Variants in ANKRD36B observed in about 807,000 individuals in gnomAD.
ANKRD36B encodes ankyrin repeat domain 36B.
ANKRD36B carries 37 observed loss-of-function variants against 135.7 expected under a neutral mutation model. The ratio of observed to expected loss-of-function variants is 0.27; its 90% CI spans 0.21 to 0.36. The LOEUF is 0.36. Ranked by LOEUF, ANKRD36B falls within the 10% of genes least tolerant of loss-of-function variation. The probability of loss-of-function intolerance (pLI) is 1.00; values close to 1 mark genes in which losing one functional copy is unlikely to be tolerated. For synonymous variants in ANKRD36B, 179 were observed against 348.1 expected, an observed-to-expected ratio of 0.51 and a Z score of 5.41; for missense variants, 549 against 1,037.1, an observed-to-expected ratio of 0.53 and a Z score of 6.46.
chr2:97,529,852 G>A lies in ANKRD36B; in HGVS notation c.2265+2459C>T, dbSNP rs1236788793. 6.3e-5 allele frequency among the ~76,000 whole-genome samples: 6 copies of A among 95,640 alleles called. 3 individuals carry two copies. The highest frequency in any genetic ancestry group is 1.7e-4 in the Non-Finnish European group (6 of 36,016). The allele number at this position is 95,640 out of a possible 152,430, so 62.7% of individuals were successfully genotyped here. ...CCTAGGAATCCAACTTACAAGGGACGTGAAGGACCTCTTCAAGGAGAACTA... is the reference window on the plus strand; with the variant it reads ...CCTAGGAATCCAACTTACAAGGGACATGAAGGACCTCTTCAAGGAGAACTA... On this transcript the variant is annotated intron_variant, in intron 35 of 43. Coordinates refer to ENST00000359901, the MANE Select transcript of ANKRD36B (RefSeq NM_001393939.1).
intron 10 of ANKRD36B, among the ~76,000 whole-genome samples, chr2:97,557,678 G>A (rs1377412135): frequency 6.6e-6 from 1 of 151,748 alleles, no homozygotes; most frequent in African/African-American, 2.4e-5. Flanking sequence ...GATATAGGTT[G>A]GGATAATCCT....
chr2:97,588,583 A>C, intron 1 of ANKRD36B, among the ~76,000 whole-genome samples: 1 of 151,928 alleles, frequency 6.6e-6, no homozygotes, highest in Non-Finnish European at 1.5e-5. Context: ...AGACAGCATG[A>C]GTAATTCAAA....
rs182198327 is a variant in ANKRD36B at position 97,547,344 on chromosome 2, T to C, written c.1579+192A>G. The C allele has an allele frequency of 6.6e-5, 44 of 671,252 alleles. No homozygotes were observed. In the East Asian group the frequency reaches 1.3e-3, roughly 20 times the overall value. 41.6% of individuals were successfully genotyped at this position (671,252 alleles called of 1,614,324 possible). On this transcript the variant is annotated intron_variant, in intron 22 of 43. Coordinates refer to ENST00000359901, the MANE Select transcript of ANKRD36B (RefSeq NM_001393939.1). The stretch of plus-strand genomic sequence containing the variant: ...CCCAATTTCAATGTGGGGAAGTGTA[T>C]AACCTTACTGCGAAGATCATGTTCC...
In ANKRD36B at chr2:97,532,836, C is replaced by T. The variant is rs2078675655; in HGVS notation, c.2192-452G>A. Among the ~76,000 whole-genome samples, 3 of 96,070 alleles carry T rather than the reference C, an allele frequency of 3.1e-5. 1 individual carries two copies. The highest frequency in any genetic ancestry group is 8.3e-5 in the Non-Finnish European group (3 of 36,230). The allele number at this position is 96,070 out of a possible 152,430, so 63.0% of individuals were successfully genotyped here. On this transcript the variant is annotated intron_variant, in intron 34 of 43. Transcript: ENST00000359901. ...TTCTTTAAGAAAGGCTTTTAATCCT[C>T]CAAAACTTCAGCAAACCACTTGGGG...
Position 97,553,300 on chromosome 2 carries a change from C to T in ANKRD36B, c.1200+43G>A, listed in dbSNP as rs778585529. On this transcript the variant is annotated intron_variant, in intron 15 of 43. Coordinates refer to ENST00000359901, the MANE Select transcript of ANKRD36B (RefSeq NM_001393939.1). ...AAATAAATGAAGTATGTTTCATAGA[C>T]TATAGATTTACTAGTTCACAACATA... 2.0e-5 allele frequency: 32 copies of T among 1,606,714 alleles called. 1 individual carries two copies. In the Admixed American group the frequency reaches 5.2e-4, roughly 26 times the overall value.
At position 97,555,087 on chromosome 2, in the gene ANKRD36B, T is replaced by A. The variant is rs187991055; in HGVS notation, c.1144A>T (p.Ile382Leu). 462 of 1,611,980 alleles carry A rather than the reference T, an allele frequency of 2.9e-4. No individual in the cohort carries two copies. The highest frequency in any genetic ancestry group is 5.0e-4 in the Middle Eastern group (3 of 6,042). Residue 382 changes from isoleucine (I) to leucine (L), a missense_variant, in exon 14 of 44, where the codon ATA (isoleucine) becomes TTA (leucine). Ile to Leu is a conservative substitution (Grantham distance 5). Coordinates refer to ENST00000359901, the MANE Select transcript of ANKRD36B (RefSeq NM_001393939.1). ...GTCCCACATTGTAGTCCATCCTTTA[T>A]TTCTGTAGCTGTATTCAAAGCAGAA... The part of the protein sequence containing the change: ...TDSALNTATE[I>L]KDGLQCGTVS...
Position 97,584,996 on chromosome 2 carries a change from G to T in ANKRD36B, c.398C>A (p.Ser133Tyr). 6.2e-7 allele frequency: 1 copy of T among 1,608,762 alleles called. No individual in the cohort carries two copies. The highest frequency in any genetic ancestry group is 8.5e-7 in the Non-Finnish European group (1 of 1,179,056). ...ATGTGAAAGAAGTTTTTCTATCATG[G>T]ATGTATCTTCATTATACACAGCGTA... is the stretch of plus-strand genomic sequence containing the variant. ...LHYAVYNEDT[S>Y]MIEKLLSHGT... is the part of the protein sequence containing the mutation. The change falls in exon 3 of 44, where the codon TCC becomes TAC. Residue 133 changes from serine (S) to tyrosine (Y), a missense_variant. Coordinates refer to ENST00000359901, the MANE Select transcript of ANKRD36B (RefSeq NM_001393939.1).
Position 97,553,131 on chromosome 2 carries a change from G to T in ANKRD36B, c.1273+37C>A, listed in dbSNP as rs768746091. 19 of 1,595,032 alleles carry T rather than the reference G, an allele frequency of 1.2e-5. No individual in the cohort carries two copies. The Admixed American group carries it at 3.1e-4, about 26-fold the overall frequency. ...GGGTAGAGAAGTTCGTTTCTATCTG[G>T]ATTGAACATGACATTGAATGTGTTT... On this transcript the variant is annotated intron_variant, in intron 16 of 43. Transcript: ENST00000359901.
At chr2:97,540,854 G>A (rs2079116338) in intron 28 of ANKRD36B, among the ~76,000 whole-genome samples, 3 of 96,032 alleles carry the variant, frequency 3.1e-5, no homozygotes, top group East Asian at 2.3e-4. Flanking sequence ...GTATCCACTC[G>A]TTTAGCTTTC....
rs1224787875 is a variant in ANKRD36B at position 97,554,984 on chromosome 2, C to T, written c.1171+76G>A. The T allele has an allele frequency of 5.9e-6, 9 of 1,527,402 alleles. No homozygotes were observed. The Middle Eastern group carries it at 1.0e-3, about 173-fold the overall frequency. 94.6% of individuals were successfully genotyped at this position (1,527,402 alleles called of 1,614,324 possible). A position where few individuals can be genotyped will look rare whatever the true frequency, so the allele number is the denominator to read the frequency against. On this transcript the variant is annotated intron_variant, in intron 14 of 43. Transcript: ENST00000359901. ...AATGTGCAGCTTTGATGAGCCCCCCCACTGATTTATTTGGGGAAGAGAAGT... is the reference window on the plus strand; with the variant it reads ...AATGTGCAGCTTTGATGAGCCCCCCTACTGATTTATTTGGGGAAGAGAAGT...
At chr2:97,572,993 A>T (rs181599448) in intron 6 of ANKRD36B, among the ~76,000 whole-genome samples, 1 of 150,918 alleles carries the variant, frequency 6.6e-6, no homozygotes, top group Admixed American at 6.6e-5. Flanking sequence ...TACATGTGCC[A>T]TATTGGTGTG....
intron 1 of ANKRD36B, among the ~76,000 whole-genome samples, chr2:97,586,735 T>C (rs1218491073): frequency 6.6e-6 from 1 of 152,252 alleles, no homozygotes; most frequent in Admixed American, 6.5e-5. Context: ...TAATTTAAAA[T>C]TGTTTCCTTA....
Position 97,555,098 on chromosome 2 carries a change from G to C in ANKRD36B, c.1133C>G (p.Thr378Arg). ...ASDKTDSALN[T>R]ATEIKDGLQC... ...TAGTCCATCCTTTATTTCTGTAGCT[G>C]TATTCAAAGCAGAATCTGTCTTGTC... Residue 378 changes from threonine (T) to arginine (R), a missense_variant, in exon 14 of 44, where the codon ACA becomes AGA. By Grantham distance (71) the Thr-to-Arg change is moderately conservative. Coordinates refer to ENST00000359901, the MANE Select transcript of ANKRD36B (RefSeq NM_001393939.1). The C allele has an allele frequency of 6.2e-7, 1 of 1,611,846 alleles. No individual in the cohort carries two copies.
chr2:97,546,125 C>A (rs2079439640), intron 22 of ANKRD36B, among the ~76,000 whole-genome samples: 1 of 151,704 alleles, frequency 6.6e-6, no homozygotes, highest in Admixed American at 6.6e-5. Flanking sequence ...CTGTCAATAT[C>A]AATGTCGATA....
At chr2:97,562,254 T>C (rs1280209630) in intron 6 of ANKRD36B, among the ~76,000 whole-genome samples, 2 of 151,860 alleles carry the variant, frequency 1.3e-5, no homozygotes, top group Non-Finnish European at 2.9e-5. Context: ...TACATATATA[T>C]ACATATGTCA....
At chr2:97,571,004 A>T (rs1482712545) in intron 6 of ANKRD36B, among the ~76,000 whole-genome samples, 3 of 152,234 alleles carry the variant, frequency 2.0e-5, no homozygotes, top group Non-Finnish European at 4.4e-5. Flanking sequence ...TAAATCCATA[A>T]GGGAACAGAA....
At chr2:97,550,897 A>G (rs564523885) in intron 18 of ANKRD36B, among the ~76,000 whole-genome samples, 302 of 151,948 alleles carry the variant, frequency 2.0e-3, no homozygotes, top group Non-Finnish European at 3.3e-3. Context: ...TACAGTGTCT[A>G]TGGGTTATTA....
intron 8 of ANKRD36B, among the ~76,000 whole-genome samples, 168 bp from the exon 9 acceptor site, chr2:97,559,162 A>G (rs1363676187): frequency 1.3e-5 from 2 of 151,784 alleles, no homozygotes; most frequent in Non-Finnish European, 2.9e-5. Context: ...AATACACTGA[A>G]AAAAAAGGAA....
chr2:97,557,336 CAG>C (rs1464509702), intron 10 of ANKRD36B, among the ~76,000 whole-genome samples: 2 of 151,642 alleles, frequency 1.3e-5, no homozygotes, highest in East Asian at 3.9e-4. Context: ...AATATACAGT[CAG>C]AAATTACAAA....
Sources: allele counts gnomAD v4.1 joint callset (sites outside exome capture counted in the v4.1 genomes callset), GRCh38; gene constraint gnomAD v4.1.1; transcripts MANE v1.5; gene names NCBI Gene and HGNC (gene_info 2026-07-23, HGNC 2026-07-21).